The following DNAH5 variants were observed in gnomAD, a reference collection of about 807,000 sequenced individuals.
DNAH5 encodes the protein axonemal beta dynein heavy chain 5.
DNAH5 carries 372 observed loss-of-function variants against 518.2 expected under a neutral mutation model. That is an observed-to-expected ratio of 0.72 (90% CI 0.66 to 0.78). The LOEUF is 0.78. Among genes scored for constraint, DNAH5 ranks in the 30% least tolerant of loss-of-function variants. DNAH5 has a pLI of 0.00. For synonymous variants in DNAH5, 2,039 were observed against 2,025.9 expected (o/e 1.01, Z -0.17); for missense variants, 5,523 against 5,687.0 (o/e 0.97, Z 0.93).
At position 13,708,324 on chromosome 5, in the gene DNAH5, C is replaced by G; in HGVS notation, c.13137G>C (p.Arg4379Ser). 1 of 1,613,996 alleles carries G rather than the reference C, an allele frequency of 6.2e-7. No homozygotes were observed. The change falls in exon 76 of 79, where the codon AGG becomes AGC. Residue 4379 changes from arginine to serine, a missense_variant. Around this residue, in one of 3 missense-constraint regions of DNAH5, gnomAD observed 387 missense variants for 430.0 expected, o/e 0.90. Coordinates refer to ENST00000265104, the MANE Select transcript of DNAH5 (RefSeq NM_001369.3). ...PDYVPFEVKERLQKMGPFQPM... is the reference protein window; with the variant it reads ...PDYVPFEVKESLQKMGPFQPM... ...GCTGGAATGGCCCCATCTTCTGCAG[C>G]CTCTCTTTTACCTGCCATGGAGACA...
chr5:13,926,037 A>G (rs1205791410), intron 3 of DNAH5, among the ~76,000 whole-genome samples: 1 of 152,204 alleles, frequency 6.6e-6, no homozygotes, highest in Non-Finnish European at 1.5e-5. Context: ...CCTGACCAAG[A>G]AATCTAAGCA....
intron 15 of DNAH5, chr5:13,899,272 G>A (rs1183620375): frequency 6.6e-6 from 1 of 152,382 alleles, no homozygotes; most frequent in African/African-American, 2.4e-5. Flanking sequence ...CCAGCTCAGA[G>A]GTCAGTCCTC....
chr5:13,885,957 C>G lies in DNAH5; in HGVS notation c.2743+7G>C. The G allele has an allele frequency of 6.2e-7, 1 of 1,611,864 alleles. No homozygotes were observed. The highest frequency in any genetic ancestry group is 8.5e-7 in the Non-Finnish European group (1 of 1,179,214). ...AAACAAGACCCTTTCATTACCCCATCTCTTACCTGAACTTTCATTTTTGTA... is the reference window on the plus strand; with the variant it reads ...AAACAAGACCCTTTCATTACCCCATGTCTTACCTGAACTTTCATTTTTGTA... On this transcript the variant is annotated splice_region_variant and intron_variant, in intron 18 of 78. Transcript: ENST00000265104.
chr5:13,984,640 A>G (rs568783703), intron 1 of DNAH5, among the ~76,000 whole-genome samples: 1 of 152,346 alleles, frequency 6.6e-6, no homozygotes, highest in South Asian at 2.1e-4. Flanking sequence ...GTTTTTGCCC[A>G]TTCAGTATGA....
chr5:13,789,856 C>A (rs1010619527), intron 50 of DNAH5, among the ~76,000 whole-genome samples: 1 of 152,292 alleles, frequency 6.6e-6, no homozygotes, highest in Admixed American at 6.5e-5. Context: ...ACTCTCACTT[C>A]TCTGCAGGAA....
In DNAH5 at chr5:13,902,621, A is replaced by G. The variant is rs146015085; in HGVS notation, c.1645-483T>C. Among the ~76,000 whole-genome samples the G allele has an allele frequency of 3.9e-4, 60 of 152,300 alleles. 1 individual carries two copies. Among genetic ancestry groups the G allele is most frequent in the African/African-American group, 1.4e-3 (57 of 41,554 alleles). On this transcript the variant is annotated intron_variant, in intron 12 of 78. Coordinates refer to ENST00000265104, the MANE Select transcript of DNAH5 (RefSeq NM_001369.3). ...CCATACTTTCTCATCACAGCTACTC[A>G]CTTCTACCACTGCAATGCCAAAGCA...
intron 19 of DNAH5, 152 bp from the exon 20 acceptor site, chr5:13,883,246 A>G: frequency 1.1e-6 from 1 of 942,590 alleles, no homozygotes; most frequent in Non-Finnish European, 1.6e-6. Flanking sequence ...CTAATGGAGG[A>G]TCTAGTATTG....
chr5:13,707,888 A>G lies in DNAH5; in HGVS notation c.13338+235T>C, dbSNP rs1743009348. Among the ~76,000 whole-genome samples the G allele has an allele frequency of 1.3e-5, 2 of 152,156 alleles. No homozygotes were observed. Among genetic ancestry groups the G allele is most frequent in the Admixed American group, 1.3e-4 (2 of 15,274 alleles). On this transcript the variant is annotated intron_variant, in intron 76 of 78. Transcript: ENST00000265104. The surrounding 1 kb of genome is among the most constrained non-coding windows in gnomAD (Gnocchi z 4.0). ...TGTAAAATAAGAGCAGTAAAATACA[A>G]AATTTAAGTAAAATAACGCATGTAA...
chr5:13,797,906 G>A (rs570267983), intron 47 of DNAH5, among the ~76,000 whole-genome samples: 36 of 152,248 alleles, frequency 2.4e-4, no homozygotes, highest in African/African-American at 4.8e-4. Context: ...TCTTTGCAGG[G>A]ACATGGATGA....
chr5:13,901,846 T>A (rs1356167577), intron 13 of DNAH5, among the ~76,000 whole-genome samples: 1 of 152,054 alleles, frequency 6.6e-6, no homozygotes, highest in East Asian at 1.9e-4. Flanking sequence ...AAGCTAAGAG[T>A]ATTCTCTATT....
chr5:13,727,480 T>A, intron 70 of DNAH5, 27 bp downstream of exon 70: 4 of 1,588,496 alleles, frequency 2.5e-6, no homozygotes, highest in Non-Finnish European at 3.4e-6. Context: ...TATTCTCTCA[T>A]TTTTCTCTTT....
At position 13,841,872 on chromosome 5, in the gene DNAH5, T is replaced by C; in HGVS notation, c.5304A>G (p.Gln1768=). 3 of 1,601,700 alleles carry C rather than the reference T, an allele frequency of 1.9e-6. No homozygotes were observed. The highest frequency in any genetic ancestry group is 2.6e-6 in the Non-Finnish European group (3 of 1,175,684). ...TATCCAATTCAATCGTCTCACCCTC[T>C]TGAGAGGAAATTGACAGAATTCGAT... ...IYDRILSISS[Q]EGETIELDKP... Residue 1768 remains glutamine (Q), a synonymous_variant, in exon 33 of 79, where the codon CAA becomes CAG. Coordinates refer to ENST00000265104, the MANE Select transcript of DNAH5 (RefSeq NM_001369.3).
chr5:13,748,883 C>T (rs1264158908), intron 65 of DNAH5, among the ~76,000 whole-genome samples: 3 of 151,956 alleles, frequency 2.0e-5, no homozygotes, highest in African/African-American at 4.8e-5. Flanking sequence ...CTTTCTCCTG[C>T]TTGATTGCCC....
At chr5:13,761,087 T>C (rs1174605298) in intron 60 of DNAH5, among the ~76,000 whole-genome samples, 1 of 152,208 alleles carries the variant, frequency 6.6e-6, no homozygotes, top group East Asian at 1.9e-4. Flanking sequence ...CTACTGATAG[T>C]GTTCCCTTCA....
chr5:13,944,511 C>T lies in DNAH5; in HGVS notation c.-73G>A, dbSNP rs1779759145. 5 of 1,313,970 alleles carry T rather than the reference C, an allele frequency of 3.8e-6. No individual in the cohort carries two copies. The highest frequency in any genetic ancestry group is 5.5e-6 in the Non-Finnish European group (5 of 916,118). The allele number at this position is 1,313,970 out of a possible 1,614,324, so 81.4% of individuals were successfully genotyped here. On this transcript the variant is annotated 5_prime_UTR_variant, in exon 1 of 79. The change abolishes an upstream ATG in the 5' untranslated region. Coordinates refer to ENST00000265104, the MANE Select transcript of DNAH5 (RefSeq NM_001369.3). ...TCTAACTCCTGGCAGACCTGCTCAACATCCAACAGGCTTCCAAATGGAAAG... is the reference window on the plus strand; with the variant it reads ...TCTAACTCCTGGCAGACCTGCTCAATATCCAACAGGCTTCCAAATGGAAAG...
intron 21 of DNAH5, among the ~76,000 whole-genome samples, chr5:13,877,345 T>C (rs1392920079): frequency 6.6e-6 from 1 of 152,194 alleles, no homozygotes; most frequent in African/African-American, 2.4e-5. Context: ...CCTATCCTCA[T>C]GGCATTTGTC....
intron 22 of DNAH5, among the ~76,000 whole-genome samples, chr5:13,875,012 A>G (rs6862100): frequency 0.39 from 59,318 of 152,042 alleles, 11,964 homozygotes; most frequent in Non-Finnish European, 0.45. Flanking sequence ...TATATCTAAT[A>G]CTATGACTAA....
intron 7 of DNAH5, 104 bp from the exon 8 acceptor site, chr5:13,917,360 T>C (rs1776756947): frequency 2.4e-6 from 2 of 820,676 alleles, no homozygotes; most frequent in Non-Finnish European, 4.1e-6. Flanking sequence ...CGAGACCTTC[T>C]GTCCATCTCA....
intron 76 of DNAH5, among the ~76,000 whole-genome samples, chr5:13,702,773 A>C (rs143560487): frequency 1.8e-3 from 268 of 152,292 alleles, no homozygotes; most frequent in Middle Eastern, 6.8e-3. Flanking sequence ...AGAAGACAAG[A>C]AGCAGCAGTC....
Sources: allele counts gnomAD v4.1 joint callset (sites outside exome capture counted in the v4.1 genomes callset), GRCh38; gene constraint gnomAD v4.1.1; regional missense constraint gnomAD v4.1.1; non-coding constraint Gnocchi (gnomAD v3.1); transcripts MANE v1.5; gene names NCBI Gene and HGNC (gene_info 2026-07-23, HGNC 2026-07-21).